PRORP: variants seen among roughly 807,000 people sequenced by gnomAD.
The protein encoded by PRORP is protein only RNase P catalytic subunit, also known as mitochondrial ribonuclease P catalytic subunit.
PRORP carries 51 observed loss-of-function variants against 59.4 expected under a neutral mutation model. The observed-to-expected ratio is 0.86, with a 90% CI of 0.69 to 1.08. The LOEUF is 1.08. Among genes scored for constraint, PRORP ranks in the 50% least tolerant of loss-of-function variants. PRORP has a pLI of 0.00. For missense variants in PRORP, 646 were observed against 690.3 expected (o/e 0.94, Z 0.72); for synonymous variants, 231 against 245.6 (o/e 0.94, Z 0.55).
At chr14:35,219,767 G>T (rs994063545) in intron 5 of PRORP, among the ~76,000 whole-genome samples, 5 of 152,116 alleles carry the variant, frequency 3.3e-5, no homozygotes, top group African/African-American at 1.2e-4. Context: ...CCTCTCTATT[G>T]TCTAGAGAGT....
At chr14:35,253,648 C>T (rs1174462029) in intron 5 of PRORP, among the ~76,000 whole-genome samples, 1 of 152,086 alleles carries the variant, frequency 6.6e-6, no homozygotes, top group Non-Finnish European at 1.5e-5. Flanking sequence ...CAGTCCTGCC[C>T]CCTCTGGCAT....
chr14:35,230,974 C>CAG (rs1682336402), intron 5 of PRORP, among the ~76,000 whole-genome samples: 1 of 141,822 alleles, frequency 7.1e-6, no homozygotes, highest in African/African-American at 2.6e-5. Flanking sequence ...CACACACACA[C>CAG]ACACACTTGC....
At position 35,181,039 on chromosome 14, in the gene PRORP, G is replaced by A. The variant is rs544706614; in HGVS notation, c.1275+262G>A. Among the ~76,000 whole-genome samples, 14 of 152,218 alleles carry A rather than the reference G, an allele frequency of 9.2e-5. No homozygotes were observed. In the South Asian group the frequency reaches 2.7e-3, roughly 29 times the overall value. The stretch of plus-strand genomic sequence containing the variant: ...ATACAGGGCCAGATTTTCCCGTTTC[G>A]TGTAACCTTTAGCTAACCTTCTCCT... On this transcript the variant is annotated intron_variant, in intron 5 of 7. Coordinates refer to ENST00000534898, the MANE Select transcript of PRORP (RefSeq NM_014672.4).
rs1291774283 is a variant in PRORP, at chr14:35,127,518, T to G, written c.1074T>G (p.Ile358Met). The change falls in exon 4 of 8, where the codon ATT becomes ATG. Residue 358 changes from isoleucine (I) to methionine (M), a missense_variant. By Grantham distance (10) the Ile-to-Met change is conservative. Coordinates refer to ENST00000534898, the MANE Select transcript of PRORP (RefSeq NM_014672.4). ...CSGCGKTIES[I>M]QLSPEEYECL... ...GCTGTGGAAAAACCATAGAGTCTAT[T>G]CAGCTGAGTCCAGAAGAATATGAAT... 1 of 1,613,328 alleles carries G rather than the reference T, an allele frequency of 6.2e-7. No homozygotes were observed. Among genetic ancestry groups the G allele is most frequent in the Admixed American group, 1.7e-5 (1 of 59,984 alleles).
intron 5 of PRORP, among the ~76,000 whole-genome samples, chr14:35,250,000 C>G (rs922561210): frequency 1.3e-5 from 2 of 152,094 alleles, no homozygotes; most frequent in African/African-American, 4.8e-5. Flanking sequence ...GTAATCCCAG[C>G]ACTTTGAGAG....
chr14:35,217,156 A>T (rs2049621092), intron 5 of PRORP, among the ~76,000 whole-genome samples: 1 of 152,096 alleles, frequency 6.6e-6, no homozygotes, highest in African/African-American at 2.4e-5. Flanking sequence ...GATGATGTCC[A>T]ATCTATTTTT....
At chr14:35,237,798 G>A (rs866961924) in intron 5 of PRORP, among the ~76,000 whole-genome samples, 13 of 151,898 alleles carry the variant, frequency 8.6e-5, no homozygotes, top group Middle Eastern at 6.8e-3. Flanking sequence ...GACTACAGGC[G>A]TATGCCACCA....
chr14:35,134,067 C>A (rs776305739), intron 4 of PRORP, among the ~76,000 whole-genome samples: 4 of 152,208 alleles, frequency 2.6e-5, no homozygotes, highest in Admixed American at 2.0e-4. Context: ...CCCTTCAGGG[C>A]GACAAGTTCC....
intron 5 of PRORP, among the ~76,000 whole-genome samples, chr14:35,188,941 T>TA (rs748540239): frequency 0.062 from 2,953 of 47,410 alleles, 125 homozygotes; most frequent in African/African-American, 0.2. Flanking sequence ...AGACTCTGTC[T>TA]AAAAAAAAAA....
intron 5 of PRORP, among the ~76,000 whole-genome samples, chr14:35,240,074 C>CAAAA (rs773150066): frequency 1.9e-5 from 2 of 107,286 alleles, no homozygotes; most frequent in African/African-American, 4.2e-5. Context: ...GACTCCATCT[C>CAAAA]AAAAAAAAAA....
At chr14:35,207,445 A>C (rs2049322860) in intron 5 of PRORP, among the ~76,000 whole-genome samples, 1 of 152,188 alleles carries the variant, frequency 6.6e-6, no homozygotes, top group African/African-American at 2.4e-5. Flanking sequence ...AGAAACTACA[A>C]AGCATACAAC....
At chr14:35,181,024 A>G (rs933569792) in intron 5 of PRORP, among the ~76,000 whole-genome samples, 6 of 152,192 alleles carry the variant, frequency 3.9e-5, no homozygotes, top group Non-Finnish European at 8.8e-5. Flanking sequence ...ATACAGGGCC[A>G]GATTTTCCCG....
intron 5 of PRORP, chr14:35,219,213 G>T (rs1277066861): frequency 6.6e-6 from 1 of 152,236 alleles, no homozygotes; most frequent in Non-Finnish European, 1.5e-5. Context: ...TACAGTCTGC[G>T]ACCACTGGTG....
Position 35,123,143 on chromosome 14 carries a change from C to A in PRORP, c.-103C>A. The A allele has an allele frequency of 8.5e-7, 1 of 1,177,576 alleles. No individual in the cohort carries two copies. Among genetic ancestry groups the A allele is most frequent in the Non-Finnish European group, 1.2e-6 (1 of 840,584 alleles). The allele number at this position is 1,177,576 out of a possible 1,614,324, so 72.9% of individuals were successfully genotyped here. On this transcript the variant is annotated 5_prime_UTR_variant, in exon 2 of 8. Coordinates refer to ENST00000534898, the MANE Select transcript of PRORP (RefSeq NM_014672.4). Reference sequence around the variant, plus strand: ...GAAACACAAACCTTTTAAAAAGTTCCACTTCGACTCTGCACCGCCGACCCC... The same window carrying A: ...GAAACACAAACCTTTTAAAAAGTTCAACTTCGACTCTGCACCGCCGACCCC...
chr14:35,172,645 G>A (rs555371306), intron 4 of PRORP, among the ~76,000 whole-genome samples: 18 of 151,360 alleles, frequency 1.2e-4, no homozygotes, highest in African/African-American at 4.1e-4. Context: ...CGCCTCCCGG[G>A]TTCAAGCGAT....
At chr14:35,193,461 G>T (rs972079784) in intron 5 of PRORP, among the ~76,000 whole-genome samples, 1 of 152,104 alleles carries the variant, frequency 6.6e-6, no homozygotes, top group African/African-American at 2.4e-5. Flanking sequence ...GTCATTAAAG[G>T]TCATTTGGTA....
upstream of PRORP, chr14:35,121,945 T>C (rs1193008370): frequency 6.2e-7 from 1 of 1,614,122 alleles, no homozygotes; most frequent in African/African-American, 1.3e-5. Context: ...GACGAAGAAC[T>C]TCTTTCCAGT....
chr14:35,269,895 G>C (rs2033906955), intron 6 of PRORP, among the ~76,000 whole-genome samples: 1 of 152,182 alleles, frequency 6.6e-6, no homozygotes, highest in African/African-American at 2.4e-5. Context: ...TACCAAAGAA[G>C]ATGTTTTGGG....
chr14:35,175,712 G>C (rs190141009), intron 4 of PRORP, among the ~76,000 whole-genome samples: 4 of 151,240 alleles, frequency 2.6e-5, no homozygotes, highest in African/African-American at 4.9e-5. Flanking sequence ...CTGATGGTAG[G>C]TTCTTTTGCT....
Sources: gnomAD v4.1 joint callset for allele counts (sites outside exome capture counted in the v4.1 genomes callset) on GRCh38, gnomAD v4.1.1 for gene constraint, MANE v1.5 for transcripts, NCBI Gene and HGNC (gene_info 2026-07-23, HGNC 2026-07-21) for gene names.